The following CPA6 variants were observed in gnomAD, a reference collection of about 807,000 sequenced individuals.
CPA6 encodes the protein carboxypeptidase B.
Under a neutral mutation model 63.3 loss-of-function variants are expected in CPA6, and 58 were observed. The observed-to-expected ratio is 0.92, with a 90% CI of 0.74 to 1.14. The LOEUF (loss-of-function observed/expected upper bound fraction) is 1.14. CPA6 is among the 50% of genes most tolerant of loss of function. The probability of loss-of-function intolerance (pLI) is 0.00; values close to 1 mark genes in which losing one functional copy is unlikely to be tolerated. For synonymous variants in CPA6, 185 were observed against 179.0 expected (o/e 1.03, Z -0.27); for missense variants, 565 against 526.6 (o/e 1.07, Z -0.71).
At chr8:67,691,933 C>A (rs1358046655) in intron 1 of CPA6, among the ~76,000 whole-genome samples, 1 of 152,176 alleles carries the variant, frequency 6.6e-6, no homozygotes, top group Non-Finnish European at 1.5e-5. Context: ...AGATCCTTTT[C>A]TGGTTGATAG....
intron 2 of CPA6, among the ~76,000 whole-genome samples, chr8:67,607,306 C>T (rs889561722): frequency 3.3e-5 from 5 of 150,178 alleles, no homozygotes; most frequent in Non-Finnish European, 7.4e-5. Flanking sequence ...CTTCCTGGCC[C>T]CCATGCCTTT....
chr8:67,680,705 C>T (rs1280818873), intron 1 of CPA6, among the ~76,000 whole-genome samples: 1 of 152,078 alleles, frequency 6.6e-6, no homozygotes, highest in Admixed American at 6.5e-5. Context: ...TGTCTATTAC[C>T]TCAAAAGGAA....
At chr8:67,590,545 G>C (rs1311637787) in intron 2 of CPA6, among the ~76,000 whole-genome samples, 1 of 151,404 alleles carries the variant, frequency 6.6e-6, no homozygotes, top group African/African-American at 2.4e-5. Context: ...ATCCTCTCCA[G>C]CACCTGTTGT....
rs567878732 is a variant in CPA6, at chr8:67,641,344, T to G, written c.117-17093A>C. ...TGGAGTATAAATATATCATGTAATA[T>G]TCTTAGGAAATGAAGGAGGGGATCC... On this transcript the variant is annotated intron_variant, in intron 1 of 10. Transcript: ENST00000297770. 1.5e-4 allele frequency among the ~76,000 whole-genome samples: 23 copies of G among 151,936 alleles called. 1 individual carries two copies. The highest frequency in any genetic ancestry group is 5.6e-4 in the African/African-American group (23 of 41,166).
intron 8 of CPA6, among the ~76,000 whole-genome samples, chr8:67,449,119 G>A (rs1033146324): frequency 2.0e-5 from 3 of 152,130 alleles, no homozygotes; most frequent in African/African-American, 7.2e-5. Flanking sequence ...AGGTGTGGCG[G>A]TGCATGCTTG....
chr8:67,683,824 T>C (rs1003950202), intron 1 of CPA6, among the ~76,000 whole-genome samples: 1 of 151,490 alleles, frequency 6.6e-6, no homozygotes, highest in East Asian at 1.9e-4. Flanking sequence ...CTTCTTTCTA[T>C]TCTTCATATT....
At chr8:67,683,119 G>A (rs1390637046) in intron 1 of CPA6, among the ~76,000 whole-genome samples, 1 of 152,188 alleles carries the variant, frequency 6.6e-6, no homozygotes, top group Admixed American at 6.5e-5. Flanking sequence ...AGCAGTAGCT[G>A]GAGCAATCAT....
chr8:67,434,525 T>C (rs934229172), intron 8 of CPA6, among the ~76,000 whole-genome samples: 5 of 152,226 alleles, frequency 3.3e-5, no homozygotes, highest in African/African-American at 1.2e-4. Flanking sequence ...CACTTCTAGC[T>C]GCACCTAGCA....
chr8:67,723,374 C>G (rs989221800), intron 1 of CPA6, among the ~76,000 whole-genome samples: 6 of 152,176 alleles, frequency 3.9e-5, no homozygotes, highest in African/African-American at 1.4e-4. Flanking sequence ...ACCATGTTGC[C>G]TAGACTTGTC....
chr8:67,477,517 A>T (rs981531752), intron 8 of CPA6, among the ~76,000 whole-genome samples: 12 of 152,256 alleles, frequency 7.9e-5, no homozygotes, highest in African/African-American at 2.6e-4. Context: ...TGGGATGTGA[A>T]CTCATTAAAT....
At chr8:67,672,449 C>T (rs1469914927) in intron 1 of CPA6, among the ~76,000 whole-genome samples, 1 of 152,128 alleles carries the variant, frequency 6.6e-6, no homozygotes, top group African/African-American at 2.4e-5. Context: ...CACTATCTAT[C>T]CCACTCCTCA....
At position 67,509,497 on chromosome 8, in the gene CPA6, C is replaced by T. The variant is rs1811999427; in HGVS notation, c.534+20G>A. ...ATTTGGTAAACATTATGTATTTACA[C>T]AGCAATTGCTTATTTTTACCTTTAA... On this transcript the variant is annotated intron_variant, in intron 5 of 10. Coordinates refer to ENST00000297770, the MANE Select transcript of CPA6 (RefSeq NM_020361.5). 1 of 1,113,400 alleles carries T rather than the reference C, an allele frequency of 9.0e-7. No individual in the cohort carries two copies. The highest frequency in any genetic ancestry group is 1.4e-6 in the Non-Finnish European group (1 of 740,078). The allele number at this position is 1,113,400 out of a possible 1,614,324, so 69.0% of individuals were successfully genotyped here.
intron 1 of CPA6, among the ~76,000 whole-genome samples, chr8:67,659,631 A>C (rs1442273415): frequency 6.6e-6 from 1 of 152,164 alleles, no homozygotes; most frequent in Non-Finnish European, 1.5e-5. Context: ...GAGAAAGGCA[A>C]ATCTATGCTT....
intron 4 of CPA6, among the ~76,000 whole-genome samples, 186 bp downstream of exon 4, chr8:67,511,355 A>G (rs566838461): frequency 2.6e-3 from 396 of 152,336 alleles, no homozygotes; most frequent in Non-Finnish European, 4.8e-3. Context: ...CTTATATACC[A>G]TCAAAGACTT....
chr8:67,572,817 C>G (rs1345933527), intron 2 of CPA6, among the ~76,000 whole-genome samples: 2 of 152,136 alleles, frequency 1.3e-5, no homozygotes, highest in Non-Finnish European at 2.9e-5. Context: ...CAAGGCCGGA[C>G]AAAAATATCA....
chr8:67,473,870 GT>G (rs1042974061), intron 8 of CPA6, among the ~76,000 whole-genome samples: 2 of 152,044 alleles, frequency 1.3e-5, no homozygotes, highest in Admixed American at 1.3e-4. Context: ...GCCTCCCAAA[GT>G]GCTGGGATTA....
At chr8:67,435,122 C>A (rs1810119974) in intron 8 of CPA6, among the ~76,000 whole-genome samples, 4 of 152,192 alleles carry the variant, frequency 2.6e-5, no homozygotes, top group Admixed American at 2.6e-4. Context: ...CCTAGGAGGT[C>A]CATCCCCAGC....
intron 8 of CPA6, among the ~76,000 whole-genome samples, chr8:67,439,596 AAAAAAGAAAGAAAAAG>A (rs1167706786): frequency 2.6e-5 from 4 of 151,976 alleles, no homozygotes; most frequent in South Asian, 2.1e-4. Context: ...TCTCAAAAAA[AAAAAAGAAAGAAAAAG>A]AAAAAGAAAG....
intron 2 of CPA6, among the ~76,000 whole-genome samples, chr8:67,574,984 T>C (rs1813586349): frequency 6.6e-6 from 1 of 152,106 alleles, no homozygotes; most frequent in South Asian, 2.1e-4. Context: ...TTGCAAGCCA[T>C]ACATCTGATA....
Sources: gnomAD v4.1 joint callset for allele counts (sites outside exome capture counted in the v4.1 genomes callset) on GRCh38, gnomAD v4.1.1 for gene constraint, MANE v1.5 for transcripts, NCBI Gene and HGNC (gene_info 2026-07-23, HGNC 2026-07-21) for gene names.